Variants in NTM observed in about 807,000 individuals in gnomAD.
NTM encodes neurotrimin.
NTM carries 13 observed loss-of-function variants against 42.1 expected under a neutral mutation model. That is an observed-to-expected ratio of 0.31 (90% CI 0.20 to 0.49). The LOEUF is 0.49. Among genes scored for constraint, NTM ranks in the 20% least tolerant of loss-of-function variants. The pLI, the probability that NTM is intolerant of heterozygous loss-of-function variation, is 0.99. For synonymous variants in NTM, 187 were observed against 179.2 expected (o/e 1.04, Z -0.35); for missense variants, 373 against 452.8 (o/e 0.82, Z 1.60).
intron 1 of NTM, among the ~76,000 whole-genome samples, chr11:131,678,531 T>C (rs536103670): frequency 1.3e-5 from 2 of 152,334 alleles, no homozygotes; most frequent in African/African-American, 2.4e-5. Context: ...GTACTCCCTC[T>C]CCCAGTGTGG....
In NTM at chr11:131,458,103, A is replaced by G. The variant is rs1346353409; in HGVS notation, c.82+87215A>G. On this transcript the variant is annotated intron_variant, in intron 1 of 8. Coordinates refer to ENST00000683400, the MANE Select transcript of NTM (RefSeq NM_001352005.2). The stretch of plus-strand genomic sequence containing the variant: ...AGGGGATGAGTGTGAGTAGAGAGGG[A>G]AGAAGTTTGATTACTGAGCCTGGAG... Among the ~76,000 whole-genome samples the G allele has an allele frequency of 3.3e-5, 5 of 152,158 alleles. No homozygotes were observed. In the South Asian group the frequency reaches 6.2e-4, roughly 19 times the overall value.
At chr11:132,132,756 G>C (rs2067057204) in intron 2 of NTM, among the ~76,000 whole-genome samples, 1 of 152,128 alleles carries the variant, frequency 6.6e-6, no homozygotes. Flanking sequence ...ACTCAGGCTT[G>C]TCGCAACACA....
intron 3 of NTM, among the ~76,000 whole-genome samples, chr11:132,181,322 C>T (rs1232988172): frequency 6.6e-6 from 1 of 152,182 alleles, no homozygotes; most frequent in East Asian, 1.9e-4. Flanking sequence ...GATGCTACTC[C>T]ATCATGGCAT....
intron 1 of NTM, among the ~76,000 whole-genome samples, chr11:131,594,884 C>T (rs1307809543): frequency 6.6e-6 from 1 of 152,198 alleles, no homozygotes; most frequent in East Asian, 1.9e-4. Context: ...TTTCTCCTCT[C>T]TTCCTCACAT....
intron 4 of NTM, among the ~76,000 whole-genome samples, chr11:132,300,952 C>G (rs1462688716): frequency 6.6e-6 from 1 of 152,126 alleles, no homozygotes; most frequent in African/African-American, 2.4e-5. Context: ...ACTGATTCCT[C>G]AAGGGGGACC....
chr11:132,120,549 C>T (rs1243163375), intron 2 of NTM, among the ~76,000 whole-genome samples: 1 of 152,198 alleles, frequency 6.6e-6, no homozygotes, highest in Non-Finnish European at 1.5e-5. Context: ...AATTTTGAAT[C>T]ACTCCATATA....
intron 4 of NTM, among the ~76,000 whole-genome samples, chr11:132,230,780 A>G (rs2087378866): frequency 6.6e-6 from 1 of 151,842 alleles, no homozygotes; most frequent in Non-Finnish European, 1.5e-5. Context: ...TCCCAGCACA[A>G]TAGGAGACTG....
rs374028610 is a variant in NTM at position 131,707,135 on chromosome 11, T to C, written c.83-204429T>C. On this transcript the variant is annotated intron_variant, in intron 1 of 8. Coordinates refer to ENST00000683400, the MANE Select transcript of NTM (RefSeq NM_001352005.2). ...TGTTGAACTAAAACTTTGAATACTT[T>C]GGCCAGCATCTCCCCTTACCCCATC... Among the ~76,000 whole-genome samples the C allele has an allele frequency of 6.6e-5, 10 of 152,152 alleles. No homozygotes were observed. In the East Asian group the frequency reaches 1.7e-3, roughly 26 times the overall value.
chr11:132,103,879 A>G (rs1214173872), intron 2 of NTM, among the ~76,000 whole-genome samples: 3 of 152,220 alleles, frequency 2.0e-5, no homozygotes, highest in Non-Finnish European at 4.4e-5. Context: ...AGGGTGGGCA[A>G]ATGCCTGTCC....
chr11:131,767,731 T>G (rs995620272), intron 1 of NTM, among the ~76,000 whole-genome samples: 5 of 152,214 alleles, frequency 3.3e-5, no homozygotes, highest in African/African-American at 1.2e-4. Context: ...AAACAAATTT[T>G]CTTCTTTTAA....
chr11:131,777,374 T>G (rs1307574259), intron 1 of NTM, among the ~76,000 whole-genome samples: 7 of 151,920 alleles, frequency 4.6e-5, no homozygotes. Context: ...ATATAAGGGA[T>G]ATTTTTAAAG....
intron 1 of NTM, among the ~76,000 whole-genome samples, chr11:131,374,695 C>A (rs1298674955): frequency 2.6e-5 from 4 of 152,132 alleles, no homozygotes; most frequent in African/African-American, 7.2e-5. Flanking sequence ...GATAGTGGCT[C>A]CTTTTCTTGA....
intron 1 of NTM, among the ~76,000 whole-genome samples, chr11:131,699,831 C>G (rs181085081): frequency 6.6e-6 from 1 of 151,952 alleles, no homozygotes; most frequent in East Asian, 1.9e-4. Flanking sequence ...CCCACTACAC[C>G]TGGAGATTAT....
intron 1 of NTM, among the ~76,000 whole-genome samples, chr11:131,507,900 T>TTTG (rs2047697809): frequency 6.6e-6 from 1 of 152,144 alleles, no homozygotes; most frequent in Non-Finnish European, 1.5e-5. Context: ...TTTTTGTACA[T>TTTG]TGATTTTGTT....
intron 2 of NTM, among the ~76,000 whole-genome samples, chr11:131,990,895 G>T (rs559065506): frequency 6.6e-6 from 1 of 152,134 alleles, no homozygotes; most frequent in East Asian, 1.9e-4. Context: ...TTGACTCTTA[G>T]TCTGTTTTTA....
chr11:131,967,970 C>T (rs1004770194), intron 2 of NTM, among the ~76,000 whole-genome samples: 2 of 152,162 alleles, frequency 1.3e-5, no homozygotes, highest in African/African-American at 4.8e-5. Context: ...CCCAAAGTCC[C>T]TTGACCTTTT....
chr11:131,390,698 T>G (rs1943890795), intron 1 of NTM, among the ~76,000 whole-genome samples: 1 of 152,120 alleles, frequency 6.6e-6, no homozygotes, highest in Non-Finnish European at 1.5e-5. Flanking sequence ...AGTTTGCATG[T>G]GTATCTCCAT....
Position 132,293,951 on chromosome 11 carries a change from C to G in NTM, c.527-13738C>G, listed in dbSNP as rs892328475. On this transcript the variant is annotated intron_variant, in intron 4 of 8. Coordinates refer to ENST00000683400, the MANE Select transcript of NTM (RefSeq NM_001352005.2). ...TCTTTTATAGAAAACGTTGGCTGAC[C>G]CTATTTTACAGAATTGGTTATGGAA... 3.9e-5 allele frequency among the ~76,000 whole-genome samples: 6 copies of G among 152,018 alleles called. 1 individual carries two copies. Among genetic ancestry groups the G allele is most frequent in the Admixed American group, 3.9e-4 (6 of 15,264 alleles).
intron 1 of NTM, among the ~76,000 whole-genome samples, chr11:131,852,540 T>C (rs10894461): frequency 0.79 from 120,731 of 152,118 alleles, 48,347 homozygotes; most frequent in African/African-American, 0.88. Context: ...AGGTGGAATG[T>C]CCTGCCACTG....
Sources: allele counts gnomAD v4.1 joint callset (sites outside exome capture counted in the v4.1 genomes callset), GRCh38; gene constraint gnomAD v4.1.1; transcripts MANE v1.5; gene names NCBI Gene and HGNC (gene_info 2026-07-23, HGNC 2026-07-21).